The following SORL1 variants were observed in gnomAD, a reference collection of about 807,000 sequenced individuals.
The protein encoded by SORL1 is sortilin-related receptor.
Under a neutral mutation model 273.7 loss-of-function variants are expected in SORL1, and 127 were observed. That is an observed-to-expected ratio of 0.46 (90% CI 0.40 to 0.54). SORL1 has a LOEUF of 0.54. Among genes scored for constraint, SORL1 ranks in the 20% least tolerant of loss-of-function variants. The pLI is 0.00. For missense variants in SORL1, 2,494 were observed against 2,846.1 expected, an observed-to-expected ratio of 0.88 and a Z score of 2.81; for synonymous variants, 1,031 against 1,067.4, an observed-to-expected ratio of 0.97 and a Z score of 0.66.
intron 16 of SORL1, among the ~76,000 whole-genome samples, chr11:121,552,677 G>C (rs1389316852): frequency 2.6e-5 from 4 of 152,212 alleles, no homozygotes; most frequent in Admixed American, 2.6e-4. Flanking sequence ...CAAAGGAAAA[G>C]AAGGAAAACT....
chr11:121,524,075 T>TA (rs1862083231), intron 11 of SORL1, among the ~76,000 whole-genome samples: 2 of 152,070 alleles, frequency 1.3e-5, no homozygotes, highest in Admixed American at 1.3e-4. Context: ...TGAACGCAAA[T>TA]ATGTGTTCAG....
intron 12 of SORL1, among the ~76,000 whole-genome samples, chr11:121,535,670 GT>G (rs200202749): frequency 1.7e-3 from 237 of 143,196 alleles, no homozygotes; most frequent in Admixed American, 1.9e-3. Context: ...AAACATTAGG[GT>G]TTTTTTTTTT....
intron 21 of SORL1, among the ~76,000 whole-genome samples, chr11:121,565,058 A>C (rs948035609): frequency 1.3e-5 from 2 of 152,152 alleles, no homozygotes; most frequent in African/African-American, 4.8e-5. Flanking sequence ...TGTACCTTTG[A>C]ACTAAAGGAG....
chr11:121,551,665 G>A (rs1055060785), intron 16 of SORL1, among the ~76,000 whole-genome samples: 9 of 152,182 alleles, frequency 5.9e-5, no homozygotes, highest in African/African-American at 9.7e-5. Flanking sequence ...CATAAGCACC[G>A]AATGAATCAT....
intron 14 of SORL1, among the ~76,000 whole-genome samples, chr11:121,546,107 T>C (rs1181294446): frequency 1.3e-5 from 2 of 152,226 alleles, no homozygotes; most frequent in African/African-American, 4.8e-5. Context: ...TGAGACCATG[T>C]GTCTGCAACA....
intron 1 of SORL1, among the ~76,000 whole-genome samples, chr11:121,454,803 C>T (rs902499934): frequency 6.6e-6 from 1 of 152,142 alleles, no homozygotes; most frequent in Admixed American, 6.5e-5. Context: ...GTTTGAGGTG[C>T]CCCTCTTGGA....
rs1157902745 is a variant in SORL1 at position 121,522,633 on chromosome 11, C to T, written c.1452C>T (p.Leu484=). The change falls in exon 10 of 48, where the codon CTC becomes CTT. Residue 484 remains leucine (L), a synonymous_variant. Coordinates refer to ENST00000260197, the MANE Select transcript of SORL1 (RefSeq NM_003105.6). ...SLHLAQRLSQ[L]LNLQLRRMPI... ...ATCTGGCTCAGCGCCTCAGTCAGCTCCTCAACCTCCAGCTCCGGAGAATGC... is the reference window on the plus strand; with the variant it reads ...ATCTGGCTCAGCGCCTCAGTCAGCTTCTCAACCTCCAGCTCCGGAGAATGC... The T allele has an allele frequency of 6.2e-7, 1 of 1,614,226 alleles. No individual in the cohort carries two copies. The highest frequency in any genetic ancestry group is 2.2e-5 in the East Asian group (1 of 44,882).
intron 37 of SORL1, among the ~76,000 whole-genome samples, chr11:121,607,703 GAGAT>G (rs1336133343): frequency 1.3e-5 from 2 of 152,204 alleles, no homozygotes; most frequent in African/African-American, 2.4e-5. Flanking sequence ...TTAGCAGAAA[GAGAT>G]AGATTTTGTG....
At chr11:121,528,801 T>C (rs145255129) in intron 11 of SORL1, among the ~76,000 whole-genome samples, 6 of 152,374 alleles carry the variant, frequency 3.9e-5, no homozygotes, top group Non-Finnish European at 8.8e-5. Context: ...TCTATATTGT[T>C]GAATATATCA....
intron 32 of SORL1, among the ~76,000 whole-genome samples, chr11:121,601,152 T>C (rs1345795849): frequency 6.8e-6 from 1 of 146,816 alleles, no homozygotes; most frequent in Non-Finnish European, 1.5e-5. Context: ...TGGTGTTTGG[T>C]TTTTTGTTCT....
intron 8 of SORL1, among the ~76,000 whole-genome samples, chr11:121,514,808 T>G (rs1861927760): frequency 2.0e-5 from 3 of 152,094 alleles, no homozygotes; most frequent in African/African-American, 7.2e-5. Flanking sequence ...TGTCTGTAAA[T>G]CATGTGTTTA....
chr11:121,496,409 C>T (rs950409326), intron 5 of SORL1, among the ~76,000 whole-genome samples: 10 of 152,140 alleles, frequency 6.6e-5, no homozygotes, highest in Admixed American at 3.3e-4. Flanking sequence ...GACAGGGCAG[C>T]GTCACTTGGA....
In SORL1 at chr11:121,631,415, A is replaced by G. The variant is rs1196829452; in HGVS notation, c.*1852A>G. The G allele has an allele frequency of 6.6e-6, 1 of 150,966 alleles. No homozygotes were observed. The highest frequency in any genetic ancestry group is 2.4e-5 in the African/African-American group (1 of 41,016). The allele number at this position is 150,966 out of a possible 1,614,324, so 9.4% of individuals were successfully genotyped here. A position where few individuals can be genotyped will look rare whatever the true frequency, so the allele number is the denominator to read the frequency against. On this transcript the variant is annotated 3_prime_UTR_variant, in exon 48 of 48. Transcript: ENST00000260197. ...ATTTTTTTTGGCTTTATCTTGTCTT[A>G]CCGTAGAGATTTGTTCAAAACTCTA...
intron 12 of SORL1, among the ~76,000 whole-genome samples, chr11:121,533,496 T>C (rs996315873): frequency 4.6e-5 from 7 of 152,226 alleles, no homozygotes; most frequent in African/African-American, 1.4e-4. Context: ...ACCAGTCCTC[T>C]GATTACCTTT....
chr11:121,586,880 C>T (rs1291786618), intron 27 of SORL1, among the ~76,000 whole-genome samples: 1 of 152,006 alleles, frequency 6.6e-6, no homozygotes, highest in Non-Finnish European at 1.5e-5. Flanking sequence ...ATTTAATTAG[C>T]GTAGGTGTGG....
chr11:121,615,329 C>T (rs1358980297), intron 41 of SORL1, among the ~76,000 whole-genome samples: 3 of 152,160 alleles, frequency 2.0e-5, no homozygotes, highest in African/African-American at 7.2e-5. Flanking sequence ...GCTCTTGGCA[C>T]ATTCGTCCCC....
intron 6 of SORL1, among the ~76,000 whole-genome samples, chr11:121,505,356 TG>T (rs1861772524): frequency 6.6e-6 from 1 of 152,056 alleles, no homozygotes; most frequent in Admixed American, 6.5e-5. Flanking sequence ...AAGTCTAGCT[TG>T]TAGTCTAGTT....
At chr11:121,526,953 C>G (rs752986529) in intron 11 of SORL1, among the ~76,000 whole-genome samples, 3 of 151,568 alleles carry the variant, frequency 2.0e-5, no homozygotes, top group Admixed American at 6.6e-5. Context: ...TCTCTTCTTT[C>G]TTGTCCTTCT....
At chr11:121,459,260 T>C (rs532174495) in intron 1 of SORL1, among the ~76,000 whole-genome samples, 1 of 152,378 alleles carries the variant, frequency 6.6e-6, no homozygotes, top group South Asian at 2.1e-4. Flanking sequence ...TTGGCTACTG[T>C]GTAGACAGCA....
Sources: allele counts gnomAD v4.1 joint callset (sites outside exome capture counted in the v4.1 genomes callset), GRCh38; gene constraint gnomAD v4.1.1; transcripts MANE v1.5; gene names NCBI Gene and HGNC (gene_info 2026-07-23, HGNC 2026-07-21).